The following TMEM67 variants were observed in gnomAD, a reference collection of about 807,000 sequenced individuals.
The protein encoded by TMEM67 is meckelin.
In TMEM67, 124 loss-of-function variants were observed where a neutral mutation model predicts 136.6. That is an observed-to-expected ratio of 0.91 (90% CI 0.78 to 1.05). The LOEUF (loss-of-function observed/expected upper bound fraction) is 1.05, where lower values mean the gene tolerates loss of function less well. Among genes scored for constraint, TMEM67 ranks in the 50% least tolerant of loss-of-function variants. The probability of loss-of-function intolerance (pLI) is 0.00; values close to 1 mark genes in which losing one functional copy is unlikely to be tolerated. For missense variants in TMEM67, 1,107 were observed against 1,178.4 expected (o/e 0.94, Z 0.89); for synonymous variants, 364 against 390.5 (o/e 0.93, Z 0.80).
At chr8:93,765,201 T>A (rs1224831406) in intron 4 of TMEM67, among the ~76,000 whole-genome samples, 1 of 152,228 alleles carries the variant, frequency 6.6e-6, no homozygotes, top group Non-Finnish European at 1.5e-5. Flanking sequence ...CTTCTATTAT[T>A]GATTAGTTTT....
intron 26 of TMEM67, among the ~76,000 whole-genome samples, chr8:93,814,909 G>C (rs1365914341): frequency 6.6e-6 from 1 of 152,150 alleles, no homozygotes; most frequent in Non-Finnish European, 1.5e-5. Context: ...TTGAACTCTT[G>C]AACACTATGT....
chr8:93,823,213 G>T (rs1299018884), downstream of TMEM67, among the ~76,000 whole-genome samples: 2 of 152,164 alleles, frequency 1.3e-5, no homozygotes, highest in Admixed American at 6.5e-5. Context: ...TGTCAGCCTG[G>T]CTGGGTTTCT....
intron 20 of TMEM67, among the ~76,000 whole-genome samples, chr8:93,798,584 T>C (rs1422507792): frequency 6.6e-6 from 1 of 152,198 alleles, no homozygotes; most frequent in Non-Finnish European, 1.5e-5. Flanking sequence ...TATATGGGAA[T>C]AGGTTTTCTC....
At chr8:93,764,172 A>G (rs1168186944) in intron 4 of TMEM67, among the ~76,000 whole-genome samples, 2 of 152,192 alleles carry the variant, frequency 1.3e-5, no homozygotes, top group Non-Finnish European at 2.9e-5. Context: ...TCACTACTTC[A>G]CAATCCCTTG....
intron 3 of TMEM67, chr8:93,762,041 G>A (rs555289528): frequency 7.2e-5 from 11 of 152,248 alleles, no homozygotes; most frequent in African/African-American, 1.2e-4. Flanking sequence ...GATCACCTGA[G>A]GTTAGAAGTT....
intron 26 of TMEM67, 51 bp downstream of exon 26, chr8:93,809,938 G>T: frequency 2.7e-6 from 3 of 1,129,804 alleles, no homozygotes; most frequent in Non-Finnish European, 3.9e-6. Context: ...CAAAGTTTGA[G>T]AAAAAAGTGC....
At chr8:93,800,835 C>A (rs565893352) in intron 21 of TMEM67, among the ~76,000 whole-genome samples, 2 of 152,206 alleles carry the variant, frequency 1.3e-5, no homozygotes, top group Admixed American at 6.5e-5. Flanking sequence ...TAAATATGTT[C>A]TTTTCTTTTG....
chr8:93,781,669 G>A lies in TMEM67; in HGVS notation c.990G>A (p.Leu330=), dbSNP rs761599038. ...TTTTCTTTAATCAGAATACAAAACT[G>A]AAGTTTGTTGCTGCTTCCTATGATA... The part of the protein sequence containing the change: ...SFKGENQNTK[L]KFVAASYDIR... Residue 330 remains leucine (L), a synonymous_variant, in exon 10 of 28, where the codon CTG becomes CTA. Transcript: ENST00000453321. 22 of 1,596,724 alleles carry A rather than the reference G, an allele frequency of 1.4e-5. No individual in the cohort carries two copies. The highest frequency in any genetic ancestry group is 1.8e-5 in the Non-Finnish European group (21 of 1,168,156).
intron 4 of TMEM67, among the ~76,000 whole-genome samples, chr8:93,764,734 A>G (rs940871479): frequency 6.6e-6 from 1 of 152,106 alleles, no homozygotes; most frequent in African/African-American, 2.4e-5. Context: ...GAGTTATGGC[A>G]TCCAAATACC....
At chr8:93,813,990 C>T (rs1808800456) in intron 26 of TMEM67, among the ~76,000 whole-genome samples, 1 of 152,086 alleles carries the variant, frequency 6.6e-6, no homozygotes, top group Non-Finnish European at 1.5e-5. Flanking sequence ...GTAACTAGTA[C>T]CCTTTCAAGA....
intron 21 of TMEM67, among the ~76,000 whole-genome samples, chr8:93,801,351 C>T (rs1248243066): frequency 6.6e-6 from 1 of 152,046 alleles, no homozygotes; most frequent in Admixed American, 6.6e-5. Flanking sequence ...CCTCCTGCCT[C>T]AGCCTCCTGA....
At chr8:93,755,317 G>T (rs759339094) in intron 1 of TMEM67, among the ~76,000 whole-genome samples, 180 bp downstream of exon 1, 2 of 152,174 alleles carry the variant, frequency 1.3e-5, no homozygotes, top group African/African-American at 2.4e-5. Context: ...ACCGCGCCTG[G>T]CCCGAATACA....
intron 7 of TMEM67, 21 bp downstream of exon 7, chr8:93,772,672 T>C (rs1484427395): frequency 6.3e-7 from 1 of 1,583,752 alleles, no homozygotes; most frequent in Admixed American, 1.7e-5. Context: ...ATTTTTTAAA[T>C]AAATTTCATT....
chr8:93,755,192 C>T (rs994270943), intron 1 of TMEM67, 55 bp downstream of exon 1: 11 of 1,487,168 alleles, frequency 7.4e-6, no homozygotes, highest in Non-Finnish European at 1.0e-5. Flanking sequence ...CTTGGTCGGC[C>T]CCTAGTCCCC....
At chr8:93,784,185 G>T (rs1813991013) in intron 11 of TMEM67, among the ~76,000 whole-genome samples, 1 of 152,114 alleles carries the variant, frequency 6.6e-6, no homozygotes, top group South Asian at 2.1e-4. Context: ...TGTCAGAAAT[G>T]ATTTACACGT....
chr8:93,771,603 G>T (rs1413515429), intron 6 of TMEM67, among the ~76,000 whole-genome samples: 1 of 152,130 alleles, frequency 6.6e-6, no homozygotes, highest in Non-Finnish European at 1.5e-5. Flanking sequence ...CATTTAGAGG[G>T]ATTATTGCTT....
chr8:93,798,111 T>C (rs1391834128), intron 20 of TMEM67, among the ~76,000 whole-genome samples: 2 of 152,216 alleles, frequency 1.3e-5, no homozygotes, highest in East Asian at 3.8e-4. Context: ...AACAACTCTG[T>C]ACCCATTCCC....
intron 11 of TMEM67, among the ~76,000 whole-genome samples, chr8:93,784,339 C>T (rs1000122389): frequency 2.0e-5 from 3 of 152,120 alleles, no homozygotes; most frequent in African/African-American, 4.8e-5. Flanking sequence ...ATATGAGATA[C>T]ATAGTATCTG....
chr8:93,778,223 C>T (rs1000609951), intron 7 of TMEM67, among the ~76,000 whole-genome samples: 5 of 152,130 alleles, frequency 3.3e-5, no homozygotes, highest in Admixed American at 6.6e-5. Flanking sequence ...TTCCTCCATC[C>T]CTTTATTTTG....
Sources: allele counts gnomAD v4.1 joint callset (sites outside exome capture counted in the v4.1 genomes callset), GRCh38; gene constraint gnomAD v4.1.1; transcripts MANE v1.5; gene names NCBI Gene and HGNC (gene_info 2026-07-23, HGNC 2026-07-21).